The following SV2B variants were observed in gnomAD, a reference collection of about 807,000 sequenced individuals.
SV2B encodes solute carrier family 22 member B2.
Under a neutral mutation model 73.9 loss-of-function variants are expected in SV2B, and 41 were observed. That is an observed-to-expected ratio of 0.56 (90% CI 0.43 to 0.72). The LOEUF is 0.72. SV2B is among the 30% of genes least tolerant of loss of function. The pLI, the probability that SV2B is intolerant of heterozygous loss-of-function variation, is 0.00. For missense variants in SV2B, 764 were observed against 857.8 expected, an observed-to-expected ratio of 0.89 and a Z score of 1.37; for synonymous variants, 314 against 314.2, an observed-to-expected ratio of 1.00 and a Z score of 0.01.
intron 1 of SV2B, among the ~76,000 whole-genome samples, chr15:91,135,569 A>T (rs1390921392): frequency 6.6e-6 from 1 of 152,168 alleles, no homozygotes; most frequent in African/African-American, 2.4e-5. Flanking sequence ...GGGATAAGTC[A>T]CCCATAACTG....
intron 1 of SV2B, among the ~76,000 whole-genome samples, chr15:91,191,200 A>G (rs12440457): frequency 0.74 from 111,483 of 150,614 alleles, 42,262 homozygotes; most frequent in African/African-American, 0.91. Flanking sequence ...TGAGTAGTTG[A>G]GATTACAGGC....
At chr15:91,202,476 T>A (rs564921693) in intron 1 of SV2B, among the ~76,000 whole-genome samples, 34 of 152,388 alleles carry the variant, frequency 2.2e-4, no homozygotes, top group African/African-American at 7.2e-4. Flanking sequence ...TAAGACCACC[T>A]GGGTGTCTTG....
chr15:91,135,489 A>G (rs2042793578), intron 1 of SV2B, among the ~76,000 whole-genome samples: 1 of 152,194 alleles, frequency 6.6e-6, no homozygotes, highest in African/African-American at 2.4e-5. Context: ...TTCATGGTAC[A>G]TTATCTCTGA....
chr15:91,203,993 A>G (rs1248747207), intron 1 of SV2B, among the ~76,000 whole-genome samples: 2 of 152,226 alleles, frequency 1.3e-5, no homozygotes, highest in African/African-American at 4.8e-5. Context: ...GAAGGATTCA[A>G]ACTTGTTCAG....
Position 91,258,435 on chromosome 15 carries a change from A to G in SV2B, c.799A>G (p.Met267Val), listed in dbSNP as rs138530686. 6.2e-7 allele frequency: 1 copy of G among 1,613,982 alleles called. No individual in the cohort carries two copies. Residue 267 changes from methionine (M) to valine (V), a missense_variant, in exon 5 of 13, where the codon ATG becomes GTG. Coordinates refer to ENST00000394232, the MANE Select transcript of SV2B (RefSeq NM_001323032.3). The surrounding 1 kb of genome is among the most constrained non-coding windows in gnomAD (Gnocchi z 4.7). ...IIPHYGWGFS[M>V]GTNYHFHSWR... ...CTCCTTTGCAGGCTGGGGCTTCAGC[A>G]TGGGGACCAATTACCACTTCCATAG...
intron 1 of SV2B, among the ~76,000 whole-genome samples, chr15:91,151,299 T>C (rs1172966822): frequency 2.0e-5 from 3 of 152,224 alleles, no homozygotes; most frequent in Non-Finnish European, 4.4e-5. Flanking sequence ...GTGGCTTCCA[T>C]AGAAAAGTTA....
chr15:91,250,716 A>G (rs187933254), intron 2 of SV2B, among the ~76,000 whole-genome samples: 103 of 152,340 alleles, frequency 6.8e-4, no homozygotes, highest in Admixed American at 1.5e-3. Context: ...CATTTACAAT[A>G]ACATTAAAAC....
rs1345485204 is a variant in SV2B at position 91,280,310 on chromosome 15, A to G, written c.1374-1418A>G. 6.6e-6 allele frequency among the ~76,000 whole-genome samples: 1 copy of G among 152,174 alleles called. No homozygotes were observed. Among genetic ancestry groups the G allele is most frequent in the African/African-American group, 2.4e-5 (1 of 41,430 alleles). Reference sequence around the variant, plus strand: ...TATTTGGTGGCCCTTTTGAAAAGGAACAATGGCCATCAGCACCCTGTGCTA... The same window carrying G: ...TATTTGGTGGCCCTTTTGAAAAGGAGCAATGGCCATCAGCACCCTGTGCTA... On this transcript the variant is annotated intron_variant, in intron 9 of 12. Coordinates refer to ENST00000394232, the MANE Select transcript of SV2B (RefSeq NM_001323032.3). This position sits in a 1 kb window ranked among gnomAD's most constrained non-coding sequence, Gnocchi z 5.8.
chr15:91,232,865 G>A lies in SV2B; in HGVS notation c.451+6151G>A, dbSNP rs145654546. ...AACCTAACTGTTTTTCAGTCCTTTCGCCTCTCCAGTAGTCCCCAGTGTCTA... is the reference window on the plus strand; with the variant it reads ...AACCTAACTGTTTTTCAGTCCTTTCACCTCTCCAGTAGTCCCCAGTGTCTA... On this transcript the variant is annotated intron_variant, in intron 2 of 12. Transcript: ENST00000394232. This position sits in a 1 kb window ranked among gnomAD's most constrained non-coding sequence, Gnocchi z 4.7. 7.2e-5 allele frequency among the ~76,000 whole-genome samples: 11 copies of A among 152,010 alleles called. No individual in the cohort carries two copies. The highest frequency in any genetic ancestry group is 1.6e-4 in the Non-Finnish European group (11 of 67,980).
At chr15:91,203,591 C>T (rs868232705) in intron 1 of SV2B, among the ~76,000 whole-genome samples, 1 of 152,108 alleles carries the variant, frequency 6.6e-6, no homozygotes, top group Admixed American at 6.5e-5. Context: ...AATCTTGTTA[C>T]GGTTTAGCTT....
rs567483143 is a variant in SV2B at position 91,213,218 on chromosome 15, G to A, written c.-391-12655G>A. On this transcript the variant is annotated intron_variant, in intron 1 of 12. Coordinates refer to ENST00000394232, the MANE Select transcript of SV2B (RefSeq NM_001323032.3). Reference sequence around the variant, plus strand: ...AGAATAGAGGAAGTCAGGATGCCAAGGCTGGGCTCTAAGTTGGCTTCCCAA... The same window carrying A: ...AGAATAGAGGAAGTCAGGATGCCAAAGCTGGGCTCTAAGTTGGCTTCCCAA... 1.1e-4 allele frequency among the ~76,000 whole-genome samples: 16 copies of A among 152,228 alleles called. No individual in the cohort carries two copies. In the South Asian group the frequency reaches 3.3e-3, roughly 32 times the overall value.
At chr15:91,260,029 A>C (rs766839570) in intron 5 of SV2B, among the ~76,000 whole-genome samples, 3 of 152,220 alleles carry the variant, frequency 2.0e-5, no homozygotes, top group African/African-American at 7.2e-5. Flanking sequence ...ACCACCGTCC[A>C]TTCAACCTTA....
In SV2B at chr15:91,258,658, T is replaced by C. The variant is rs551508927; in HGVS notation, c.918+104T>C. On this transcript the variant is annotated intron_variant, in intron 5 of 12. Coordinates refer to ENST00000394232, the MANE Select transcript of SV2B (RefSeq NM_001323032.3). This position sits in a 1 kb window ranked among gnomAD's most constrained non-coding sequence, Gnocchi z 4.7. ...CTAGTCCCACATCCTCTGCTGCTTA[T>C]GTGTTGCAAACTCTCCCCTGGTCGG... The C allele has an allele frequency of 5.9e-6, 9 of 1,533,508 alleles. No individual in the cohort carries two copies. In the African/African-American group the frequency reaches 1.1e-4, roughly 19 times the overall value. 95.0% of individuals were successfully genotyped at this position (1,533,508 alleles called of 1,614,324 possible).
chr15:91,284,116 G>A lies in SV2B; in HGVS notation c.1603G>A (p.Asp535Asn), dbSNP rs2048778596. ...GCHMDLEQDN[D>N]FLIYLVSFLG... ...CCACATGGACTTGGAGCAAGATAAT[G>A]ACTTCCTGATTTACCTCGTCAGCTT... Residue 535 changes from aspartate to asparagine, a missense_variant, in exon 11 of 13, where the codon GAC (aspartate) becomes AAC (asparagine). Coordinates refer to ENST00000394232, the MANE Select transcript of SV2B (RefSeq NM_001323032.3). This position sits in a 1 kb window ranked among gnomAD's most constrained non-coding sequence, Gnocchi z 4.5. 3.1e-6 allele frequency: 5 copies of A among 1,614,180 alleles called. No individual in the cohort carries two copies. The highest frequency in any genetic ancestry group is 1.7e-6 in the Non-Finnish European group (2 of 1,180,040).
In SV2B at chr15:91,284,130, C is replaced by T; in HGVS notation, c.1617C>T (p.Tyr539=). Residue 539 remains tyrosine, a synonymous_variant, in exon 11 of 13, where the codon TAC becomes TAT. Transcript: ENST00000394232. This position sits in a 1 kb window ranked among gnomAD's most constrained non-coding sequence, Gnocchi z 4.5. The part of the protein sequence containing the change: ...DLEQDNDFLI[Y]LVSFLGSLSV... ...AGCAAGATAATGACTTCCTGATTTA[C>T]CTCGTCAGCTTCCTGGGCAGCCTGT... 6.2e-7 allele frequency: 1 copy of T among 1,614,154 alleles called. No individual in the cohort carries two copies. The highest frequency in any genetic ancestry group is 8.5e-7 in the Non-Finnish European group (1 of 1,180,024).
intron 4 of SV2B, among the ~76,000 whole-genome samples, chr15:91,256,934 G>C (rs2047717151): frequency 6.6e-6 from 1 of 152,024 alleles, no homozygotes; most frequent in African/African-American, 2.4e-5. Context: ...CACTGGAGTT[G>C]GTCATATGTT....
At chr15:91,181,840 A>C (rs183910014) in intron 1 of SV2B, among the ~76,000 whole-genome samples, 3 of 151,940 alleles carry the variant, frequency 2.0e-5, no homozygotes, top group African/African-American at 7.2e-5. Flanking sequence ...AATTCACGGC[A>C]TCTGGTCTCT....
At chr15:91,225,441 A>G (rs1257352472) in intron 1 of SV2B, among the ~76,000 whole-genome samples, 2 of 152,234 alleles carry the variant, frequency 1.3e-5, no homozygotes, top group Non-Finnish European at 2.9e-5. Context: ...ATAAGTTCTA[A>G]CAGAAAATCC....
In SV2B at chr15:91,251,946, C is replaced by G. The variant is rs939959719; in HGVS notation, c.579C>G (p.Ser193=). 4 of 1,614,028 alleles carry G rather than the reference C, an allele frequency of 2.5e-6. No homozygotes were observed. In the African/African-American group the frequency reaches 5.3e-5, roughly 22 times the overall value. The change falls in exon 3 of 13, where the codon TCC becomes TCG. Residue 193 remains serine (S), a synonymous_variant. Transcript: ENST00000394232. The part of the protein sequence containing the change: ...AVNASFASLS[S]FVQGYGAFLF... ...ATGCCTCCTTCGCCTCCCTCTCTTC[C>G]TTCGTGCAGGGATATGGAGCCTTCC...
Sources: gnomAD v4.1 joint callset for allele counts (sites outside exome capture counted in the v4.1 genomes callset) on GRCh38, gnomAD v4.1.1 for gene constraint, Gnocchi (gnomAD v3.1) non-coding constraint, MANE v1.5 for transcripts, NCBI Gene and HGNC (gene_info 2026-07-23, HGNC 2026-07-21) for gene names.